Variants in MACROD2 observed in about 807,000 individuals in gnomAD.
The protein encoded by MACROD2 is mono-ADP ribosylhydrolase 2, also known as ADP-ribose glycohydrolase MACROD2.
A neutral mutation model predicts 70.4 loss-of-function variants in MACROD2; 36 were observed. The ratio of observed to expected loss-of-function variants is 0.51; its 90% CI spans 0.39 to 0.68. MACROD2 has a LOEUF of 0.68. MACROD2 is among the 30% of genes least tolerant of loss of function. MACROD2 has a pLI of 0.00. For synonymous variants in MACROD2, 172 were observed against 178.8 expected (o/e 0.96, Z 0.30); for missense variants, 496 against 538.4 (o/e 0.92, Z 0.78).
At chr20:14,362,889 G>T (rs561111057) in intron 3 of MACROD2, among the ~76,000 whole-genome samples, 1 of 152,196 alleles carries the variant, frequency 6.6e-6, no homozygotes, top group African/African-American at 2.4e-5. Context: ...GAGTATTCTT[G>T]TTTTTAATGT....
Position 15,885,823 on chromosome 20 carries a change from A to C in MACROD2, c.775+12A>C, listed in dbSNP as rs774496394. ...GAAAGAAGATTCAGGTATTAAATTC[A>C]TACTTTTATTATTAGGGGGTAGGTA... On this transcript the variant is annotated intron_variant, in intron 10 of 17. Transcript: ENST00000684519. The C allele has an allele frequency of 1.3e-6, 2 of 1,500,656 alleles. No homozygotes were observed. The highest frequency in any genetic ancestry group is 2.5e-5 in the Admixed American group (1 of 40,270). The allele number at this position is 1,500,656 out of a possible 1,614,324, so 93.0% of individuals were successfully genotyped here.
intron 2 of MACROD2, among the ~76,000 whole-genome samples, chr20:14,077,382 TATACTC>T (rs1204840059): frequency 6.6e-6 from 1 of 152,216 alleles, no homozygotes; most frequent in African/African-American, 2.4e-5. Flanking sequence ...TGTAAGATGA[TATACTC>T]ATAAAACCTG....
intron 3 of MACROD2, among the ~76,000 whole-genome samples, chr20:14,477,247 A>G (rs1295636036): frequency 6.6e-6 from 1 of 152,156 alleles, no homozygotes; most frequent in Non-Finnish European, 1.5e-5. Context: ...TTCAATCAAA[A>G]CATACAAAGG....
chr20:15,256,820 C>A (rs967703272), intron 6 of MACROD2, among the ~76,000 whole-genome samples: 12 of 151,872 alleles, frequency 7.9e-5, no homozygotes, highest in African/African-American at 9.7e-5. Context: ...ATATTTGAAG[C>A]CTGTTTTGGT....
intron 7 of MACROD2, among the ~76,000 whole-genome samples, chr20:15,435,096 G>A (rs1197781622): frequency 6.6e-6 from 1 of 152,004 alleles, no homozygotes; most frequent in South Asian, 2.1e-4. Context: ...TGACAGGTAC[G>A]CCAATATCTC....
At chr20:15,675,397 C>T (rs2050042715) in intron 8 of MACROD2, among the ~76,000 whole-genome samples, 1 of 152,186 alleles carries the variant, frequency 6.6e-6, no homozygotes, top group African/African-American at 2.4e-5. Flanking sequence ...GGTGTAATAG[C>T]TACAATACCC....
chr20:15,642,958 T>C (rs185465891), intron 8 of MACROD2, among the ~76,000 whole-genome samples: 1 of 152,302 alleles, frequency 6.6e-6, no homozygotes, highest in Non-Finnish European at 1.5e-5. Flanking sequence ...CATGGGCCCT[T>C]ATAAAGTCAT....
chr20:14,862,370 T>A (rs1345846165), intron 5 of MACROD2, among the ~76,000 whole-genome samples: 1 of 28,544 alleles, frequency 3.5e-5, no homozygotes, highest in Non-Finnish European at 5.1e-5. Flanking sequence ...TAAATATATA[T>A]AAATATATAT....
chr20:15,740,996 C>T (rs1164211310), intron 8 of MACROD2, among the ~76,000 whole-genome samples: 5 of 151,954 alleles, frequency 3.3e-5, no homozygotes, highest in Admixed American at 6.6e-5. Context: ...AATGATGTCT[C>T]ATCTCTGCTC....
At chr20:14,051,653 G>T in intron 2 of MACROD2, 1 of 328,614 alleles carries the variant, frequency 3.0e-6, no homozygotes, top group East Asian at 8.6e-5. Flanking sequence ...TTTTTGGAAT[G>T]AGTCAGCATA....
intron 4 of MACROD2, among the ~76,000 whole-genome samples, chr20:14,613,372 G>T (rs774456815): frequency 2.0e-5 from 3 of 152,006 alleles, no homozygotes; most frequent in Admixed American, 1.3e-4. Flanking sequence ...AGTATTTTAC[G>T]GTGGGCTGGA....
intron 3 of MACROD2, among the ~76,000 whole-genome samples, chr20:14,088,952 T>G (rs989187968): frequency 1.3e-5 from 2 of 152,206 alleles, no homozygotes; most frequent in African/African-American, 4.8e-5. Flanking sequence ...TTGAAATAAA[T>G]GGTGCAAAAC....
intron 5 of MACROD2, among the ~76,000 whole-genome samples, chr20:14,750,814 A>G (rs2071860172): frequency 6.6e-6 from 1 of 151,966 alleles, no homozygotes; most frequent in African/African-American, 2.4e-5. Context: ...ATACACCAAA[A>G]CTGGTTATAT....
rs1440900863 is a variant in MACROD2, at chr20:14,052,155, C to A, written c.164-33466C>A. ...TGGGGTAGAGCAGTGGCCTTCTTTT[C>A]CAAGGGTGGTAGAGAAATTAGGAAA... is the stretch of plus-strand genomic sequence containing the variant. On this transcript the variant is annotated intron_variant, in intron 2 of 17. Transcript: ENST00000684519. 12 of 296,322 alleles carry A rather than the reference C, an allele frequency of 4.0e-5. No homozygotes were observed. The East Asian group carries it at 1.2e-3, about 29-fold the overall frequency. The allele number at this position is 296,322 out of a possible 1,614,324, so 18.4% of individuals were successfully genotyped here.
chr20:15,102,736 G>T, intron 5 of MACROD2, among the ~76,000 whole-genome samples: 1 of 5,554 alleles, frequency 1.8e-4, no homozygotes, highest in Non-Finnish European at 1.3e-3. Context: ...AAACTCCCAC[G>T]TGTGAAAATT....
At chr20:14,905,159 G>A (rs1462797444) in intron 5 of MACROD2, 1 of 152,076 alleles carries the variant, frequency 6.6e-6, no homozygotes, top group Non-Finnish European at 1.5e-5. Context: ...ATATGGCTTG[G>A]AAATAAGGAA....
chr20:14,311,950 A>C (rs2082571320), intron 3 of MACROD2, among the ~76,000 whole-genome samples: 1 of 152,226 alleles, frequency 6.6e-6, no homozygotes, highest in African/African-American at 2.4e-5. Context: ...TATACTATAA[A>C]ATATGCTCAA....
At chr20:15,880,131 C>G (rs2064733852) in intron 9 of MACROD2, among the ~76,000 whole-genome samples, 1 of 151,938 alleles carries the variant, frequency 6.6e-6, no homozygotes, top group African/African-American at 2.4e-5. Context: ...ACAGACACAC[C>G]CAGAATAATG....
At chr20:14,934,893 A>T (rs6043006) in intron 5 of MACROD2, 1 of 152,148 alleles carries the variant, frequency 6.6e-6, no homozygotes, top group Admixed American at 6.5e-5. Context: ...TCAGTTGAAG[A>T]CAGACCTCCA....
Sources: gnomAD v4.1 joint callset for allele counts (sites outside exome capture counted in the v4.1 genomes callset) on GRCh38, gnomAD v4.1.1 for gene constraint, MANE v1.5 for transcripts, NCBI Gene and HGNC (gene_info 2026-07-23, HGNC 2026-07-21) for gene names.